Variants in GPHN observed in about 807,000 individuals in gnomAD.
The protein encoded by GPHN is gephyrin.
A neutral mutation model predicts 95.5 loss-of-function variants in GPHN; 17 were observed. The ratio of observed to expected loss-of-function variants is 0.18; its 90% CI spans 0.12 to 0.27. The LOEUF (loss-of-function observed/expected upper bound fraction) is 0.27. Among genes scored for constraint, GPHN ranks in the 10% least tolerant of loss-of-function variants. The probability of loss-of-function intolerance (pLI) is 1.00; values close to 1 mark genes in which losing one functional copy is unlikely to be tolerated. For missense variants in GPHN, 660 were observed against 978.1 expected (o/e 0.67, Z 4.34); for synonymous variants, 320 against 322.5 (o/e 0.99, Z 0.08).
intron 4 of GPHN, among the ~76,000 whole-genome samples, chr14:66,867,618 T>C (rs2063277745): frequency 6.6e-6 from 1 of 152,188 alleles, no homozygotes; most frequent in South Asian, 2.1e-4. Context: ...TATAACCCTT[T>C]TTAAAAATGT....
At chr14:66,972,053 A>C (rs2069826888) in intron 9 of GPHN, among the ~76,000 whole-genome samples, 1 of 152,016 alleles carries the variant, frequency 6.6e-6, no homozygotes. Context: ...GGGTCACTTG[A>C]GGTCAGGAGT....
the GPHN span, chr14:67,447,445 G>A: frequency 2.1e-4 from 32 of 152,198 alleles, no homozygotes; most frequent in Admixed American, 6.5e-4. Flanking sequence ...AAGAAAAAAA[G>A]AAGATGAAAG....
chr14:67,227,996 C>T, the GPHN span, among the ~76,000 whole-genome samples: 3 of 151,854 alleles, frequency 2.0e-5, no homozygotes, highest in African/African-American at 7.3e-5. Flanking sequence ...ATGGTGAAAC[C>T]TCATCTCTAC....
chr14:67,725,356 C>A, the GPHN span: 2 of 1,219,254 alleles, frequency 1.6e-6, no homozygotes, highest in Non-Finnish European at 2.4e-6. Context: ...CATCATCCAC[C>A]CCACTAGACA....
the GPHN span, among the ~76,000 whole-genome samples, chr14:67,214,152 A>G: frequency 4.6e-5 from 7 of 152,230 alleles, no homozygotes; most frequent in Non-Finnish European, 8.8e-5. Flanking sequence ...TTTGCTGTGC[A>G]GAAGCTCTTT....
Position 67,180,854 on chromosome 14 carries a change from T to C in GPHN, c.2227T>C (p.Leu743=), listed in dbSNP as rs1248581157. Residue 743 remains leucine (L), a synonymous_variant, in exon 23 of 23, where the codon TTG becomes CTG. Transcript: ENST00000478722. The part of the protein sequence containing the change: ...LMSMRSANGL[L]MLPPKTEQYV... ...GAGCATGCGCAGTGCCAATGGATTG[T>C]TGATGCTACCTCCAAAGACAGAACA... 1.2e-6 allele frequency: 2 copies of C among 1,613,944 alleles called. No homozygotes were observed. The highest frequency in any genetic ancestry group is 1.1e-5 in the South Asian group (1 of 91,070).
the GPHN span, among the ~76,000 whole-genome samples, chr14:67,250,538 G>C: frequency 2.4e-4 from 37 of 152,278 alleles, 1 homozygote; most frequent in Admixed American, 1.9e-3. Flanking sequence ...AAAAATTCTA[G>C]TTAAACAGAT....
chr14:67,548,526 C>T, the GPHN span, among the ~76,000 whole-genome samples: 7 of 152,020 alleles, frequency 4.6e-5, no homozygotes, highest in Admixed American at 2.6e-4. Context: ...GGAGAAACCC[C>T]GTCTCTACTA....
chr14:67,143,318 T>C (rs749194506), intron 17 of GPHN, 44 bp from the exon 18 acceptor site: 1 of 1,256,904 alleles, frequency 8.0e-7, no homozygotes, highest in South Asian at 1.2e-5. Context: ...ATATCTAAAA[T>C]CTTTTCCTTG....
chr14:67,505,471 T>C, the GPHN span, among the ~76,000 whole-genome samples: 1 of 152,192 alleles, frequency 6.6e-6, no homozygotes, highest in Non-Finnish European at 1.5e-5. Context: ...CAAGGGAGAC[T>C]GCTGAGCTGG....
At chr14:67,729,655 G>T in the GPHN span, 2 of 599,680 alleles carry the variant, frequency 3.3e-6, no homozygotes, top group South Asian at 3.3e-5. Context: ...GAAGACTGTC[G>T]CTGTTGGTTA....
chr14:67,542,480 T>A, the GPHN span, among the ~76,000 whole-genome samples: 2 of 152,170 alleles, frequency 1.3e-5, no homozygotes, highest in Non-Finnish European at 2.9e-5. Context: ...CCTGGGCAAG[T>A]CCCTTCACCT....
At chr14:67,626,827 T>C in the GPHN span, among the ~76,000 whole-genome samples, 1 of 152,216 alleles carries the variant, frequency 6.6e-6, no homozygotes, top group Admixed American at 6.5e-5. Flanking sequence ...AACTCAAATG[T>C]ACATTAATTG....
rs192767670 is a variant in GPHN at position 66,560,688 on chromosome 14, C to G, written c.64+52097C>G. ...GATATGCGATCATGTCATCTGCAAA[C>G]AGGGACAATTTGACTTCCTCTTTTC... On this transcript the variant is annotated intron_variant, in intron 1 of 22. Coordinates refer to ENST00000478722, the MANE Select transcript of GPHN (RefSeq NM_020806.5). 8.2e-3 allele frequency among the ~76,000 whole-genome samples: 1,251 copies of G among 152,278 alleles called. 16 individuals carry two copies. The highest frequency in any genetic ancestry group is 0.055 in the East Asian group (284 of 5,178).
At chr14:66,884,931 C>T (rs2064116289) in intron 5 of GPHN, among the ~76,000 whole-genome samples, 1 of 151,482 alleles carries the variant, frequency 6.6e-6, no homozygotes, top group East Asian at 1.9e-4. Flanking sequence ...TTCAGTGACT[C>T]ATCTTTCAAT....
intron 5 of GPHN, among the ~76,000 whole-genome samples, chr14:66,890,346 C>T (rs1455580452): frequency 6.7e-6 from 1 of 150,086 alleles, no homozygotes; most frequent in East Asian, 2.0e-4. Flanking sequence ...AGGTAGAGGC[C>T]ACACAGTGAG....
At chr14:66,560,692 G>A (rs2060197011) in intron 1 of GPHN, among the ~76,000 whole-genome samples, 1 of 152,086 alleles carries the variant, frequency 6.6e-6, no homozygotes, top group African/African-American at 2.4e-5. Context: ...TGCAAACAGG[G>A]ACAATTTGAC....
At chr14:67,239,777 A>ATT in the GPHN span, among the ~76,000 whole-genome samples, 3 of 152,100 alleles carry the variant, frequency 2.0e-5, no homozygotes, top group East Asian at 5.8e-4. Context: ...TATCGCTTGA[A>ATT]CCCGGGGAGC....
intron 1 of GPHN, among the ~76,000 whole-genome samples, chr14:66,574,727 G>T (rs1233384835): frequency 6.6e-6 from 1 of 152,212 alleles, no homozygotes; most frequent in Non-Finnish European, 1.5e-5. Flanking sequence ...TCTGCTGTCA[G>T]TGTGGGTAGG....
Sources: gnomAD v4.1 joint callset for allele counts (sites outside exome capture counted in the v4.1 genomes callset) on GRCh38, gnomAD v4.1.1 for gene constraint, MANE v1.5 for transcripts, NCBI Gene and HGNC (gene_info 2026-07-23, HGNC 2026-07-21) for gene names.